Variants in BCAS3 observed in about 807,000 individuals in gnomAD.
The protein encoded by BCAS3 is BCAS3 microtubule associated cell migration factor.
A neutral mutation model predicts 116.1 loss-of-function variants in BCAS3; 53 were observed. That is an observed-to-expected ratio of 0.46 (90% confidence interval 0.37 to 0.57). The LOEUF (loss-of-function observed/expected upper bound fraction) is 0.57, where lower values mean the gene tolerates loss of function less well. Among genes scored for constraint, BCAS3 ranks in the 20% least tolerant of loss-of-function variants. The pLI, the probability that BCAS3 is intolerant of heterozygous loss-of-function variation, is 0.00. For missense variants in BCAS3, 917 were observed against 1,165.4 expected, an observed-to-expected ratio of 0.79 and a Z score of 3.10; for synonymous variants, 391 against 408.2, an observed-to-expected ratio of 0.96 and a Z score of 0.51.
chr17:61,069,534 C>A (rs781217817), intron 19 of BCAS3, among the ~76,000 whole-genome samples: 1 of 152,068 alleles, frequency 6.6e-6, no homozygotes, highest in African/African-American at 2.4e-5. Context: ...CAATGTCCAC[C>A]TGCAAGAAAG....
In BCAS3 at chr17:61,218,818, T is replaced by G. The variant is rs147478303; in HGVS notation, c.2425+134254T>G. On this transcript the variant is annotated intron_variant, in intron 22 of 23. Transcript: ENST00000407086. Reference sequence around the variant, plus strand: ...CCAGCTTTACTTGTACCAGTTTAATTATCATTGCCGCTTATGTCACCCAAA... The same window carrying G: ...CCAGCTTTACTTGTACCAGTTTAATGATCATTGCCGCTTATGTCACCCAAA... 1.2e-4 allele frequency among the ~76,000 whole-genome samples: 18 copies of G among 152,318 alleles called. No homozygotes were observed. In the East Asian group the frequency reaches 3.5e-3, roughly 29 times the overall value.
intron 7 of BCAS3, among the ~76,000 whole-genome samples, chr17:60,817,774 T>C (rs923744165): frequency 2.0e-5 from 3 of 152,308 alleles, no homozygotes; most frequent in African/African-American, 7.2e-5. Context: ...AAAATTAGTC[T>C]TTTGCCAAGC....
chr17:60,705,206 G>A (rs192834511), intron 4 of BCAS3, among the ~76,000 whole-genome samples: 1 of 152,086 alleles, frequency 6.6e-6, no homozygotes. Context: ...CAGGATTTAC[G>A]ATAGATACCA....
intron 5 of BCAS3, among the ~76,000 whole-genome samples, chr17:60,745,704 C>T (rs868082352): frequency 2.6e-5 from 4 of 152,016 alleles, no homozygotes; most frequent in Admixed American, 1.3e-4. Context: ...ATAGCTTTTA[C>T]GTGTTTCATT....
chr17:60,737,648 G>T (rs957316339), intron 5 of BCAS3, among the ~76,000 whole-genome samples: 2 of 151,812 alleles, frequency 1.3e-5, no homozygotes, highest in Admixed American at 6.6e-5. Context: ...TTTCTTCTTT[G>T]ACCTATGTGC....
chr17:61,331,851 G>A (rs893558892), intron 22 of BCAS3, among the ~76,000 whole-genome samples: 2 of 152,196 alleles, frequency 1.3e-5, no homozygotes, highest in East Asian at 1.9e-4. Context: ...TTGGCCTGAG[G>A]TGATGACCTG....
In BCAS3 at chr17:61,224,191, A is replaced by G. The variant is rs945800989; in HGVS notation, c.2425+139627A>G. Among the ~76,000 whole-genome samples, 1 of 152,358 alleles carries G rather than the reference A, an allele frequency of 6.6e-6. No homozygotes were observed. The highest frequency in any genetic ancestry group is 1.9e-4 in the East Asian group (1 of 5,194). ...TTATAAGAGAAATCTTTAAGCATCT[A>G]TCATGTGCATCTCTGTACCATGGAT... On this transcript the variant is annotated intron_variant, in intron 22 of 23. Transcript: ENST00000407086. The surrounding 1 kb of genome is among the most constrained non-coding windows in gnomAD (Gnocchi z 5.7).
Position 60,902,659 on chromosome 17 carries a change from G to A in BCAS3, c.778G>A (p.Asp260Asn), listed in dbSNP as rs767082227. Residue 260 changes from aspartate to asparagine, a missense_variant, in exon 11 of 24, where the codon GAC becomes AAC. Around this residue, in one of 3 missense-constraint regions of BCAS3, gnomAD observed 807 missense variants for 1,026.0 expected, o/e 0.79. Transcript: ENST00000407086. The part of the protein sequence containing the change: ...CHQSRGGACG[D>N]NIQSYTATVI... ...TCAGTCCCGTGGTGGAGCCTGTGGA[G>A]ACAACATTCAGTCTTATACTGCCAC... is the stretch of plus-strand genomic sequence containing the variant. The A allele has an allele frequency of 1.2e-5, 20 of 1,613,330 alleles. No individual in the cohort carries two copies. The South Asian group carries it at 2.2e-4, about 18-fold the overall frequency.
chr17:61,192,152 A>T (rs1483063752), intron 22 of BCAS3, among the ~76,000 whole-genome samples: 1 of 149,840 alleles, frequency 6.7e-6, no homozygotes, highest in Non-Finnish European at 1.5e-5. Flanking sequence ...AGGCTGAGGC[A>T]TGAGAATCAC....
chr17:60,688,354 C>T (rs955519880), intron 3 of BCAS3, among the ~76,000 whole-genome samples: 1 of 151,912 alleles, frequency 6.6e-6, no homozygotes, highest in Admixed American at 6.6e-5. Flanking sequence ...GGCTGGAGTA[C>T]AGTGGCACTA....
Position 60,924,402 on chromosome 17 carries a change from T to C in BCAS3, c.994-5T>C, listed in dbSNP as rs1339000648. ...ACCTCCATTTGTCTTTATTTCTTTGTGAAGGTGCTTGTGAGTGAGGATTCT... is the reference window on the plus strand; with the variant it reads ...ACCTCCATTTGTCTTTATTTCTTTGCGAAGGTGCTTGTGAGTGAGGATTCT... On this transcript the variant is annotated splice_polypyrimidine_tract_variant and splice_region_variant and intron_variant, in intron 12 of 23. Coordinates refer to ENST00000407086, the MANE Select transcript of BCAS3 (RefSeq NM_017679.5). 4 of 1,613,460 alleles carry C rather than the reference T, an allele frequency of 2.5e-6. No individual in the cohort carries two copies. The South Asian group carries it at 3.3e-5, about 13-fold the overall frequency.
rs547044778 is a variant in BCAS3, at chr17:61,333,503, A to G, written c.2426-34824A>G. 6.6e-6 allele frequency among the ~76,000 whole-genome samples: 1 copy of G among 152,194 alleles called. No individual in the cohort carries two copies. The highest frequency in any genetic ancestry group is 1.9e-4 in the East Asian group (1 of 5,176). On this transcript the variant is annotated intron_variant, in intron 22 of 23. Transcript: ENST00000407086. This position sits in a 1 kb window ranked among gnomAD's most constrained non-coding sequence, Gnocchi z 4.8. The stretch of plus-strand genomic sequence containing the variant: ...ATTGTGGCGCCCCCGACCCTTGCCA[A>G]TCCCGTGCAAACCACGCAATGTCTG...
At position 61,200,627 on chromosome 17, in the gene BCAS3, C is replaced by A. The variant is rs985911716; in HGVS notation, c.2425+116063C>A. Among the ~76,000 whole-genome samples the A allele has an allele frequency of 6.6e-6, 1 of 152,112 alleles. No homozygotes were observed. Among genetic ancestry groups the A allele is most frequent in the Non-Finnish European group, 1.5e-5 (1 of 68,018 alleles). On this transcript the variant is annotated intron_variant, in intron 22 of 23. Coordinates refer to ENST00000407086, the MANE Select transcript of BCAS3 (RefSeq NM_017679.5). This position sits in a 1 kb window ranked among gnomAD's most constrained non-coding sequence, Gnocchi z 5.1. Reference sequence around the variant, plus strand: ...AGCGTATTTCTTTTGATTATCAATGCGGGTGGTAGTGAGGTATCCTCAGCT... The same window carrying A: ...AGCGTATTTCTTTTGATTATCAATGAGGGTGGTAGTGAGGTATCCTCAGCT...
intron 17 of BCAS3, among the ~76,000 whole-genome samples, chr17:61,036,864 G>C (rs981388347): frequency 6.6e-6 from 1 of 152,166 alleles, no homozygotes; most frequent in Non-Finnish European, 1.5e-5. Context: ...AAGAGGATTT[G>C]GGGGAAGGGG....
At chr17:61,015,263 A>G (rs1281050147) in intron 15 of BCAS3, among the ~76,000 whole-genome samples, 1 of 152,194 alleles carries the variant, frequency 6.6e-6, no homozygotes, top group African/African-American at 2.4e-5. Context: ...TAATTAAGTC[A>G]CACTTGGTGT....
chr17:60,977,085 C>A (rs140775469), intron 14 of BCAS3, among the ~76,000 whole-genome samples: 5,750 of 151,990 alleles, frequency 0.038, 413 homozygotes, highest in African/African-American at 0.13. Context: ...ACCTCCCGGA[C>A]GGGGTGGCTG....
Position 61,104,653 on chromosome 17 carries a change from T to G in BCAS3, c.2425+20089T>G, listed in dbSNP as rs1246744796. Among the ~76,000 whole-genome samples, 1 of 152,164 alleles carries G rather than the reference T, an allele frequency of 6.6e-6. No homozygotes were observed. Among genetic ancestry groups the G allele is most frequent in the Non-Finnish European group, 1.5e-5 (1 of 68,036 alleles). ...GTATTACATGTCACCCTGTGAAAGA[T>G]CCTCTGCGTTACCCCATCAATTCTG... On this transcript the variant is annotated intron_variant, in intron 22 of 23. Transcript: ENST00000407086. This position sits in a 1 kb window ranked among gnomAD's most constrained non-coding sequence, Gnocchi z 4.1.
intron 22 of BCAS3, among the ~76,000 whole-genome samples, chr17:61,091,396 G>A (rs911350590): frequency 1.3e-5 from 2 of 152,158 alleles, no homozygotes; most frequent in African/African-American, 4.8e-5. Flanking sequence ...TGGTGGCAGG[G>A]GGACAGAGTT....
At chr17:60,900,024 T>C (rs1479687141) in intron 10 of BCAS3, 1 of 152,346 alleles carries the variant, frequency 6.6e-6, no homozygotes, top group Non-Finnish European at 1.5e-5. Context: ...AGCATCAATA[T>C]GGTGACCTCA....
Sources: gnomAD v4.1 joint callset for allele counts (sites outside exome capture counted in the v4.1 genomes callset) on GRCh38, gnomAD v4.1.1 for gene constraint, gnomAD v4.1.1 regional missense constraint, Gnocchi (gnomAD v3.1) non-coding constraint, MANE v1.5 for transcripts, NCBI Gene and HGNC (gene_info 2026-07-23, HGNC 2026-07-21) for gene names.